ALKBH8: variants seen among roughly 807,000 people sequenced by gnomAD.
ALKBH8 encodes tRNA (carboxymethyluridine(34)-5-O)-methyltransferase ALKBH8.
In ALKBH8, 36 loss-of-function variants were observed where a neutral mutation model predicts 59.8. That is an observed-to-expected ratio of 0.60 (90% CI 0.46 to 0.79). The LOEUF (loss-of-function observed/expected upper bound fraction) is 0.79. ALKBH8 is among the 30% of genes least tolerant of loss of function. The pLI is 0.00. For synonymous variants in ALKBH8, 276 were observed against 273.6 expected, an observed-to-expected ratio of 1.01 and a Z score of -0.09; for missense variants, 768 against 801.0, an observed-to-expected ratio of 0.96 and a Z score of 0.50.
chr11:107,508,883 AGCATG>A (rs1862505568), intron 11 of ALKBH8, among the ~76,000 whole-genome samples: 1 of 152,236 alleles, frequency 6.6e-6, no homozygotes, highest in African/African-American at 2.4e-5. Context: ...ATAGGTACAT[AGCATG>A]TTTTGTTTAT....
intron 2 of ALKBH8, among the ~76,000 whole-genome samples, chr11:107,558,353 T>C (rs574381181): frequency 4.6e-5 from 7 of 152,228 alleles, no homozygotes; most frequent in South Asian, 2.1e-4. Flanking sequence ...AATACAATAC[T>C]ATATGATATG....
At chr11:107,505,753 T>C (rs1862356921) in intron 11 of ALKBH8, among the ~76,000 whole-genome samples, 1 of 152,148 alleles carries the variant, frequency 6.6e-6, no homozygotes, top group African/African-American at 2.4e-5. Flanking sequence ...AGAAGGGAAG[T>C]AAGCCAAGGT....
chr11:107,515,518 G>C (rs989987141), intron 10 of ALKBH8, among the ~76,000 whole-genome samples: 1 of 152,024 alleles, frequency 6.6e-6, no homozygotes, highest in African/African-American at 2.4e-5. Flanking sequence ...ATCATGCCTG[G>C]CTAATTTTTA....
In ALKBH8 at chr11:107,504,526, C is replaced by G. The variant is rs1009271058; in HGVS notation, c.*132G>C. ...AATGTCTCCTAATGAATCCCTACTT[C>G]CAAATTTTTCTCAGCTTTCCTTTGG... On this transcript the variant is annotated 3_prime_UTR_variant, in exon 12 of 12. Coordinates refer to ENST00000428149, the MANE Select transcript of ALKBH8 (RefSeq NM_138775.3). 2.6e-6 allele frequency: 3 copies of G among 1,163,338 alleles called. No individual in the cohort carries two copies. The highest frequency in any genetic ancestry group is 4.0e-5 in the Admixed American group (2 of 50,420). 72.1% of individuals were successfully genotyped at this position (1,163,338 alleles called of 1,614,324 possible).
chr11:107,510,956 T>C lies in ALKBH8; in HGVS notation c.1368A>G (p.Ala456=), dbSNP rs576867977. The change falls in exon 11 of 12, where the codon GCA becomes GCG. Residue 456 remains alanine (A), a synonymous_variant. Coordinates refer to ENST00000428149, the MANE Select transcript of ALKBH8 (RefSeq NM_138775.3). ...QFQAFVCDAL[A]VPVRSGSCDA... Reference sequence around the variant, plus strand: ...CACAAGACCCACTGCGGACTGGTACTGCCAATGCATCACAGACAAAAGCCT... The same window carrying C: ...CACAAGACCCACTGCGGACTGGTACCGCCAATGCATCACAGACAAAAGCCT... 7.1e-6 allele frequency: 11 copies of C among 1,551,880 alleles called. No homozygotes were observed. The highest frequency in any genetic ancestry group is 1.4e-5 in the African/African-American group (1 of 73,178).
chr11:107,553,945 G>A lies in ALKBH8; in HGVS notation c.401C>T (p.Pro134Leu). Reference protein sequence around the residue: ...QWKELRPQALPPGLMVVEEII... With the variant: ...QWKELRPQALLPGLMVVEEII... ...TTCTTCTACTACCATGAGTCCTGGT[G>A]GTAAGGCTTGAGGCCTCAACTCCTT... The change falls in exon 4 of 12, where the codon CCA becomes CTA. Residue 134 changes from proline (P) to leucine (L), a missense_variant. Transcript: ENST00000428149. The A allele has an allele frequency of 6.2e-7, 1 of 1,613,630 alleles. No individual in the cohort carries two copies. Among genetic ancestry groups the A allele is most frequent in the Non-Finnish European group, 8.5e-7 (1 of 1,179,738 alleles).
intron 11 of ALKBH8, among the ~76,000 whole-genome samples, chr11:107,505,642 C>A (rs1001642419): frequency 1.3e-5 from 2 of 152,204 alleles, no homozygotes; most frequent in Admixed American, 6.5e-5. Flanking sequence ...AATTCTCCCA[C>A]TGAAAACAAC....
At chr11:107,550,087 C>G (rs573811864) in intron 6 of ALKBH8, among the ~76,000 whole-genome samples, 2 of 152,316 alleles carry the variant, frequency 1.3e-5, no homozygotes, top group East Asian at 3.9e-4. Context: ...AACTAGGACA[C>G]TTAACTCAAT....
intron 10 of ALKBH8, among the ~76,000 whole-genome samples, chr11:107,520,572 A>T (rs1255910814): frequency 6.6e-6 from 1 of 152,212 alleles, no homozygotes; most frequent in Non-Finnish European, 1.5e-5. Flanking sequence ...TTTTGGACGT[A>T]TCTTTAGATT....
At chr11:107,521,404 T>C (rs1395280325) in intron 10 of ALKBH8, among the ~76,000 whole-genome samples, 2 of 152,122 alleles carry the variant, frequency 1.3e-5, no homozygotes, top group African/African-American at 4.8e-5. Context: ...CAAGGGACAA[T>C]TGTAGTAACT....
At position 107,536,278 on chromosome 11, in the gene ALKBH8, C is replaced by CATTGCATA. The variant is rs1377947357; in HGVS notation, c.772-3880_772-3873dup. 2.6e-5 allele frequency among the ~76,000 whole-genome samples: 4 copies of CATTGCATA among 152,216 alleles called. No individual in the cohort carries two copies. In the South Asian group the frequency reaches 8.3e-4, roughly 31 times the overall value. On this transcript the variant is annotated intron_variant, in intron 7 of 11. Transcript: ENST00000428149. ...GGCATTGCCTGATTTATCAATCATTCATTGCATAATTAAACTCAATTAAAT... is the reference window on the plus strand; with the variant it reads ...GGCATTGCCTGATTTATCAATCATTCATTGCATAATTGCATAATTAAACTCAATTAAAT...
At chr11:107,550,829 T>C (rs1352255430) in intron 6 of ALKBH8, among the ~76,000 whole-genome samples, 1 of 152,168 alleles carries the variant, frequency 6.6e-6, no homozygotes, top group South Asian at 2.1e-4. Context: ...GAAAAGGACA[T>C]GTGAGGACAT....
chr11:107,525,885 G>C (rs1020755486), intron 8 of ALKBH8, among the ~76,000 whole-genome samples: 3 of 151,706 alleles, frequency 2.0e-5, no homozygotes, highest in African/African-American at 7.3e-5. Flanking sequence ...ATGATGCCAA[G>C]AGGAAACAAA....
intron 1 of ALKBH8, among the ~76,000 whole-genome samples, chr11:107,564,927 C>T (rs1282829101): frequency 6.6e-6 from 1 of 152,184 alleles, no homozygotes; most frequent in Non-Finnish European, 1.5e-5. Context: ...TGCTGTCTTA[C>T]CTCCTAAACC....
rs1862293576 is a variant in ALKBH8 at position 107,504,525 on chromosome 11, T to C, written c.*133A>G. Reference sequence around the variant, plus strand: ...GAATGTCTCCTAATGAATCCCTACTTCCAAATTTTTCTCAGCTTTCCTTTG... The same window carrying C: ...GAATGTCTCCTAATGAATCCCTACTCCCAAATTTTTCTCAGCTTTCCTTTG... On this transcript the variant is annotated 3_prime_UTR_variant, in exon 12 of 12. Coordinates refer to ENST00000428149, the MANE Select transcript of ALKBH8 (RefSeq NM_138775.3). 1 of 1,146,238 alleles carries C rather than the reference T, an allele frequency of 8.7e-7. No individual in the cohort carries two copies. The highest frequency in any genetic ancestry group is 1.3e-6 in the Non-Finnish European group (1 of 787,688). 71.0% of individuals were successfully genotyped at this position (1,146,238 alleles called of 1,614,324 possible).
In ALKBH8 at chr11:107,565,722, T is replaced by C. The variant is rs555301472; in HGVS notation, c.-128A>G. On this transcript the variant is annotated 5_prime_UTR_variant, in exon 1 of 12. It removes an upstream start codon present in the reference 5' UTR. Coordinates refer to ENST00000428149, the MANE Select transcript of ALKBH8 (RefSeq NM_138775.3). Reference sequence around the variant, plus strand: ...ACGCCATCTCCCCTGGGCGCGGCCATGTTGGAGAAAACTGCACTACATTTC... The same window carrying C: ...ACGCCATCTCCCCTGGGCGCGGCCACGTTGGAGAAAACTGCACTACATTTC... 1.3e-6 allele frequency: 2 copies of C among 1,519,150 alleles called. No individual in the cohort carries two copies. Among genetic ancestry groups the C allele is most frequent in the East Asian group, 4.9e-5 (2 of 40,808 alleles). 94.1% of individuals were successfully genotyped at this position (1,519,150 alleles called of 1,614,324 possible).
At chr11:107,526,936 A>T (rs536470231) in intron 8 of ALKBH8, among the ~76,000 whole-genome samples, 1 of 151,858 alleles carries the variant, frequency 6.6e-6, no homozygotes, top group Non-Finnish European at 1.5e-5. Flanking sequence ...CTATCTGTCT[A>T]TCTGTACAAC....
chr11:107,505,138 T>C lies in ALKBH8; in HGVS notation c.1515A>G (p.Ala505=), dbSNP rs1043358733. ...TCTGCTTATTATATTCTTGTTCCAT[T>C]GCCCAGACATAAATGAGTGCCTTCC... ...PGGKALIYVW[A]MEQEYNKQKS... The change falls in exon 12 of 12, where the codon GCA becomes GCG. Residue 505 remains alanine (A), a synonymous_variant. Coordinates refer to ENST00000428149, the MANE Select transcript of ALKBH8 (RefSeq NM_138775.3). 5 of 1,551,234 alleles carry C rather than the reference T, an allele frequency of 3.2e-6. No individual in the cohort carries two copies. The Admixed American group carries it at 5.9e-5, about 18-fold the overall frequency.
chr11:107,560,948 G>T, intron 1 of ALKBH8, 49 bp from the exon 2 acceptor site: 5 of 1,493,110 alleles, frequency 3.3e-6, no homozygotes, highest in South Asian at 1.3e-5. Flanking sequence ...AGTCCTGAAG[G>T]AACAATTATA....
Sources: gnomAD v4.1 joint callset for allele counts (sites outside exome capture counted in the v4.1 genomes callset) on GRCh38, gnomAD v4.1.1 for gene constraint, MANE v1.5 for transcripts, NCBI Gene and HGNC (gene_info 2026-07-23, HGNC 2026-07-21) for gene names.